COL19A1: variants seen among roughly 807,000 people sequenced by gnomAD.
COL19A1 encodes the protein collagen alpha-1(XIX) chain.
A neutral mutation model predicts 190.2 loss-of-function variants in COL19A1; 159 were observed. The ratio of observed to expected loss-of-function variants is 0.84; its 90% CI spans 0.73 to 0.95. COL19A1 has a LOEUF of 0.95. COL19A1 is among the 40% of genes least tolerant of loss of function. The pLI, the probability that COL19A1 is intolerant of heterozygous loss-of-function variation, is 0.00. For synonymous variants in COL19A1, 509 were observed against 458.9 expected, an observed-to-expected ratio of 1.11 and a Z score of -1.39; for missense variants, 1,418 against 1,431.9, an observed-to-expected ratio of 0.99 and a Z score of 0.16.
intron 2 of COL19A1, 33 bp downstream of exon 2, chr6:69,879,691 A>G: frequency 6.3e-7 from 1 of 1,582,876 alleles, no homozygotes; most frequent in Non-Finnish European, 8.7e-7. Flanking sequence ...TAATCACCAA[A>G]TGTTATTTAT....
chr6:70,039,760 G>GT (rs61548544), intron 14 of COL19A1, among the ~76,000 whole-genome samples: 6,024 of 139,720 alleles, frequency 0.043, 219 homozygotes, highest in African/African-American at 0.098. Context: ...GGGAAGTATT[G>GT]TTTTTTTTTT....
At chr6:70,037,249 G>T (rs935204239) in intron 14 of COL19A1, among the ~76,000 whole-genome samples, 2 of 151,992 alleles carry the variant, frequency 1.3e-5, no homozygotes, top group Non-Finnish European at 2.9e-5. Context: ...TCCGCCTCCC[G>T]GGTTCAAGCG....
intron 17 of COL19A1, 41 bp from the exon 18 acceptor site, chr6:70,130,141 C>T (rs537937309): frequency 8.1e-6 from 13 of 1,604,546 alleles, no homozygotes; most frequent in Admixed American, 6.9e-5. Flanking sequence ...TAAAAATTAG[C>T]GGATTTTTCT....
chr6:69,983,711 T>C (rs886273267), intron 11 of COL19A1, among the ~76,000 whole-genome samples: 1 of 152,100 alleles, frequency 6.6e-6, no homozygotes, highest in Non-Finnish European at 1.5e-5. Context: ...TCTGATGAGA[T>C]GGTAATATAA....
intron 34 of COL19A1, among the ~76,000 whole-genome samples, chr6:70,157,487 C>T (rs1056689565): frequency 6.6e-6 from 1 of 151,826 alleles, no homozygotes; most frequent in Non-Finnish European, 1.5e-5. Flanking sequence ...ATATATTAAC[C>T]TTGATGTTAT....
At chr6:70,119,478 A>G (rs1784759896) in intron 16 of COL19A1, among the ~76,000 whole-genome samples, 2 of 152,226 alleles carry the variant, frequency 1.3e-5, no homozygotes, top group Admixed American at 1.3e-4. Flanking sequence ...AATAGAACAT[A>G]GAAGAGTGAT....
chr6:70,116,049 T>A (rs1034424814), intron 16 of COL19A1, among the ~76,000 whole-genome samples: 1 of 152,096 alleles, frequency 6.6e-6, no homozygotes, highest in Non-Finnish European at 1.5e-5. Context: ...TCCCCCAATA[T>A]TTTCTATCTA....
At chr6:69,928,084 A>C (rs780360459) in intron 5 of COL19A1, 52 bp downstream of exon 5, 1 of 1,589,426 alleles carries the variant, frequency 6.3e-7, no homozygotes, top group African/African-American at 1.3e-5. Context: ...TAATTAAGCC[A>C]GGTGAATTAT....
At chr6:70,037,399 G>A (rs905230645) in intron 14 of COL19A1, among the ~76,000 whole-genome samples, 6 of 151,884 alleles carry the variant, frequency 4.0e-5, no homozygotes, top group Non-Finnish European at 2.9e-5. Context: ...CAGGTGATCC[G>A]CCCACTTCGG....
chr6:70,165,957 CT>C lies in COL19A1; in HGVS notation c.2418del (p.Lys808AsnfsTer18). 2 of 1,614,014 alleles carry C rather than the reference CT, an allele frequency of 1.2e-6. No homozygotes were observed. The highest frequency in any genetic ancestry group is 1.7e-6 in the Non-Finnish European group (2 of 1,179,892). ...CCCTTGCAGGGCAGCGACGGACCCC[CT>C]GGGAAACCCGGACCACCTGGACCAC... ...AKGEKGSDGP[P>X]GKPGPPGPPG... On this transcript the variant is annotated frameshift_variant, in exon 37 of 51. Transcript: ENST00000620364. LOFTEE classifies it high-confidence loss of function.
At chr6:69,962,974 C>G in intron 11 of COL19A1, 104 bp downstream of exon 11, 1 of 767,578 alleles carries the variant, frequency 1.3e-6, no homozygotes, top group Non-Finnish European at 2.0e-6. Flanking sequence ...ATAAGCAATT[C>G]AATAATTTTA....
At position 70,040,870 on chromosome 6, in the gene COL19A1, C is replaced by A. The variant is rs537554920; in HGVS notation, c.1170+4931C>A. On this transcript the variant is annotated intron_variant, in intron 14 of 50. Coordinates refer to ENST00000620364, the MANE Select transcript of COL19A1 (RefSeq NM_001858.6). Reference sequence around the variant, plus strand: ...ATATGACGTTAATAAACTTGCAAATCTTATTTTGTAGACTTTCCAGATTAT... The same window carrying A: ...ATATGACGTTAATAAACTTGCAAATATTATTTTGTAGACTTTCCAGATTAT... Among the ~76,000 whole-genome samples the A allele has an allele frequency of 1.5e-4, 23 of 152,222 alleles. No homozygotes were observed. In the East Asian group the frequency reaches 4.4e-3, roughly 29 times the overall value.
At chr6:69,874,197 T>C (rs993364262) in intron 1 of COL19A1, among the ~76,000 whole-genome samples, 1 of 152,066 alleles carries the variant, frequency 6.6e-6, no homozygotes, top group Non-Finnish European at 1.5e-5. Context: ...TGTCAGGGAA[T>C]GGTGAGAGGT....
chr6:69,933,828 C>T (rs1452247654), intron 7 of COL19A1, among the ~76,000 whole-genome samples: 1 of 151,782 alleles, frequency 6.6e-6, no homozygotes, highest in African/African-American at 2.4e-5. Context: ...AAAAAGTAGA[C>T]AATCATTGTT....
At chr6:70,180,635 A>G in intron 44 of COL19A1, 112 bp downstream of exon 44, 1 of 1,119,178 alleles carries the variant, frequency 8.9e-7, no homozygotes, top group Non-Finnish European at 1.3e-6. Context: ...TCCAAGGAGT[A>G]AGAAGAATGC....
chr6:69,930,698 A>G (rs1384774847), intron 6 of COL19A1, among the ~76,000 whole-genome samples: 1 of 152,080 alleles, frequency 6.6e-6, no homozygotes, highest in Non-Finnish European at 1.5e-5. Context: ...CACGCCTGTA[A>G]TCCCAGCTAC....
At chr6:70,203,427 T>G (rs1356522156) in intron 49 of COL19A1, among the ~76,000 whole-genome samples, 1 of 152,170 alleles carries the variant, frequency 6.6e-6, no homozygotes, top group Non-Finnish European at 1.5e-5. Flanking sequence ...CCTTTCAAAT[T>G]TAGTAGCATT....
intron 15 of COL19A1, among the ~76,000 whole-genome samples, chr6:70,073,218 C>G (rs745955845): frequency 8.5e-5 from 13 of 152,054 alleles, no homozygotes; most frequent in Non-Finnish European, 1.8e-4. Flanking sequence ...AAACTCCTGA[C>G]CTCAGGTGAT....
intron 4 of COL19A1, among the ~76,000 whole-genome samples, chr6:69,920,194 A>C (rs1771599886): frequency 2.0e-5 from 3 of 152,222 alleles, no homozygotes; most frequent in African/African-American, 7.2e-5. Flanking sequence ...TAAGATTTTT[A>C]TGAAATAAAT....
Sources: allele counts gnomAD v4.1 joint callset (sites outside exome capture counted in the v4.1 genomes callset), GRCh38; gene constraint gnomAD v4.1.1; transcripts MANE v1.5; gene names NCBI Gene and HGNC (gene_info 2026-07-23, HGNC 2026-07-21).